Variants in DLGAP2 observed in about 807,000 individuals in gnomAD.
DLGAP2 encodes the protein DLG associated protein 2.
In DLGAP2, 26 loss-of-function variants were observed where a neutral mutation model predicts 100.3. The ratio of observed to expected loss-of-function variants is 0.26; its 90% CI spans 0.19 to 0.36. The LOEUF (loss-of-function observed/expected upper bound fraction) is 0.36. DLGAP2 is among the 10% of genes least tolerant of loss of function. The probability of loss-of-function intolerance (pLI) is 1.00; values close to 1 mark genes in which losing one functional copy is unlikely to be tolerated. For missense variants in DLGAP2, 1,858 were observed against 1,453.2 expected (o/e 1.28, Z -4.53); for synonymous variants, 886 against 630.1 (o/e 1.41, Z -6.08).
chr8:926,658 G>A (rs953203812), intron 2 of DLGAP2, among the ~76,000 whole-genome samples: 1 of 152,234 alleles, frequency 6.6e-6, no homozygotes, highest in Non-Finnish European at 1.5e-5. Flanking sequence ...CGTGGCCAGG[G>A]CATGAGCTGA....
At chr8:1,370,657 G>A (rs1311044375) in intron 3 of DLGAP2, among the ~76,000 whole-genome samples, 1 of 152,250 alleles carries the variant, frequency 6.6e-6, no homozygotes, top group Non-Finnish European at 1.5e-5. Flanking sequence ...AGGATTAGAA[G>A]CCATCTGAAG....
chr8:1,243,241 C>G (rs995353861), intron 2 of DLGAP2, among the ~76,000 whole-genome samples: 3 of 152,156 alleles, frequency 2.0e-5, no homozygotes, highest in African/African-American at 7.2e-5. Context: ...GGCCCCTGCC[C>G]TGGGGTTTGC....
intron 1 of DLGAP2, among the ~76,000 whole-genome samples, chr8:823,393 C>T (rs139374702): frequency 6.6e-6 from 1 of 152,106 alleles, no homozygotes; most frequent in Admixed American, 6.5e-5. Context: ...CGCTTGTCAA[C>T]TCTCCATTGA....
chr8:1,223,398 T>A (rs1157958609), intron 2 of DLGAP2, among the ~76,000 whole-genome samples: 1 of 152,222 alleles, frequency 6.6e-6, no homozygotes, highest in Non-Finnish European at 1.5e-5. Flanking sequence ...CTGCATTTTT[T>A]AAAGAGTGAC....
chr8:1,411,863 C>T (rs1372258286), intron 3 of DLGAP2, among the ~76,000 whole-genome samples: 1 of 151,982 alleles, frequency 6.6e-6, no homozygotes, highest in African/African-American at 2.4e-5. Flanking sequence ...CGTGTGGGCC[C>T]TGGTGGTGCG....
At chr8:993,557 G>T (rs902101992) in intron 2 of DLGAP2, among the ~76,000 whole-genome samples, 1 of 151,518 alleles carries the variant, frequency 6.6e-6, no homozygotes, top group Non-Finnish European at 1.5e-5. Context: ...GGAACTTCCA[G>T]GGGCGTTTGT....
At chr8:1,383,489 T>C (rs765813352) in intron 3 of DLGAP2, among the ~76,000 whole-genome samples, 1 of 152,190 alleles carries the variant, frequency 6.6e-6, no homozygotes, top group African/African-American at 2.4e-5. Flanking sequence ...TGGAGGCTGA[T>C]AGGCCTTCGC....
intron 14 of DLGAP2, among the ~76,000 whole-genome samples, chr8:1,699,967 G>C (rs1563071092): frequency 6.6e-6 from 1 of 152,178 alleles, no homozygotes; most frequent in South Asian, 2.1e-4. Context: ...ACAGTTATGT[G>C]CTGAAAAAAG....
At chr8:1,503,359 A>G (rs1035452567) in intron 4 of DLGAP2, among the ~76,000 whole-genome samples, 4 of 152,102 alleles carry the variant, frequency 2.6e-5, no homozygotes, top group African/African-American at 9.7e-5. Context: ...GGGCCCTCCT[A>G]GAAGTGGAAC....
intron 2 of DLGAP2, among the ~76,000 whole-genome samples, chr8:1,170,355 G>A (rs990877184): frequency 6.6e-6 from 1 of 151,952 alleles, no homozygotes; most frequent in African/African-American, 2.4e-5. Flanking sequence ...TTTTTTGGTT[G>A]TGTCTCTGCC....
Position 1,632,819 on chromosome 8 carries a change from G to A in DLGAP2, c.1591-8G>A, listed in dbSNP as rs1316151744. ...CCGGGGCATCACGTGTGCTGTTGATGATTGCAGGTGAGCGAGGCGGAGATC... is the reference window on the plus strand; with the variant it reads ...CCGGGGCATCACGTGTGCTGTTGATAATTGCAGGTGAGCGAGGCGGAGATC... On this transcript the variant is annotated splice_region_variant and splice_polypyrimidine_tract_variant and intron_variant, in intron 7 of 14. Transcript: ENST00000637795. 2.5e-6 allele frequency: 4 copies of A among 1,599,102 alleles called. No homozygotes were observed. Among genetic ancestry groups the A allele is most frequent in the Non-Finnish European group, 3.4e-6 (4 of 1,171,218 alleles).
intron 3 of DLGAP2, among the ~76,000 whole-genome samples, chr8:1,372,793 A>G (rs1433048621): frequency 6.6e-6 from 1 of 152,154 alleles, no homozygotes; most frequent in East Asian, 1.9e-4. Context: ...GAGGCAGTAT[A>G]TTTTCCCAAG....
chr8:1,638,978 G>C (rs978704667), intron 8 of DLGAP2, among the ~76,000 whole-genome samples: 6 of 152,222 alleles, frequency 3.9e-5, no homozygotes, highest in Non-Finnish European at 8.8e-5. Context: ...GGGATGGCCA[G>C]TACAACCGGG....
At chr8:1,135,832 A>G (rs1198595995) in intron 2 of DLGAP2, among the ~76,000 whole-genome samples, 9 of 152,200 alleles carry the variant, frequency 5.9e-5, no homozygotes, top group Non-Finnish European at 1.0e-4. Flanking sequence ...TGACAAAACA[A>G]TAGATCTCTG....
At chr8:855,496 C>T (rs775631709) in intron 1 of DLGAP2, among the ~76,000 whole-genome samples, 4 of 152,100 alleles carry the variant, frequency 2.6e-5, no homozygotes, top group Non-Finnish European at 5.9e-5. Flanking sequence ...CAAGAGAAAA[C>T]AATTTCAAGA....
At chr8:1,232,780 G>A (rs750234606) in intron 2 of DLGAP2, among the ~76,000 whole-genome samples, 1 of 152,172 alleles carries the variant, frequency 6.6e-6, no homozygotes, top group Non-Finnish European at 1.5e-5. Flanking sequence ...ACTTTTTTGA[G>A]TAACTTTATT....
At chr8:965,182 C>T (rs1464782399) in intron 2 of DLGAP2, among the ~76,000 whole-genome samples, 30 of 129,800 alleles carry the variant, frequency 2.3e-4, no homozygotes, top group South Asian at 8.1e-4. Context: ...GCGCTGCACA[C>T]GGCACTGTTC....
intron 6 of DLGAP2, among the ~76,000 whole-genome samples, chr8:1,581,766 A>G (rs1473049011): frequency 6.6e-6 from 1 of 151,890 alleles, no homozygotes; most frequent in Non-Finnish European, 1.5e-5. Flanking sequence ...ACCACAGTCA[A>G]ACTACCACAA....
intron 3 of DLGAP2, among the ~76,000 whole-genome samples, chr8:1,297,417 C>T (rs1447129148): frequency 6.6e-6 from 1 of 151,918 alleles, no homozygotes; most frequent in Non-Finnish European, 1.5e-5. Flanking sequence ...AGAAACGTGG[C>T]ATGCGCGAAC....
Sources: allele counts gnomAD v4.1 joint callset (sites outside exome capture counted in the v4.1 genomes callset), GRCh38; gene constraint gnomAD v4.1.1; transcripts MANE v1.5; gene names NCBI Gene and HGNC (gene_info 2026-07-23, HGNC 2026-07-21).